Variants in CNTN5 observed in about 807,000 individuals in gnomAD.
The protein encoded by CNTN5 is contactin-5.
CNTN5 carries 77 observed loss-of-function variants against 129.1 expected under a neutral mutation model. The observed-to-expected ratio is 0.60, with a 90% CI of 0.50 to 0.72. CNTN5 has a LOEUF of 0.72. Among genes scored for constraint, CNTN5 ranks in the 30% least tolerant of loss-of-function variants. CNTN5 has a pLI of 0.00. For missense variants in CNTN5, 1,478 were observed against 1,328.8 expected (o/e 1.11, Z -1.75); for synonymous variants, 509 against 465.6 (o/e 1.09, Z -1.20).
chr11:99,644,539 A>G (rs955145460), intron 3 of CNTN5, among the ~76,000 whole-genome samples: 1 of 152,210 alleles, frequency 6.6e-6, no homozygotes, highest in Non-Finnish European at 1.5e-5. Context: ...TCTGACGTTT[A>G]AAATTTTTTC....
intron 1 of CNTN5, among the ~76,000 whole-genome samples, chr11:99,042,533 A>AC (rs1864038104): frequency 6.7e-6 from 1 of 150,046 alleles, no homozygotes; most frequent in South Asian, 2.1e-4. Context: ...CCGCCACCAC[A>AC]CCCGGCTAAT....
At chr11:100,031,352 T>G (rs992805541) in intron 9 of CNTN5, among the ~76,000 whole-genome samples, 1 of 152,122 alleles carries the variant, frequency 6.6e-6, no homozygotes, top group Admixed American at 6.6e-5. Flanking sequence ...GCAGAGAGCC[T>G]ATGAGTGGAC....
At chr11:100,217,695 T>G (rs1157269707) in intron 15 of CNTN5, among the ~76,000 whole-genome samples, 1 of 152,206 alleles carries the variant, frequency 6.6e-6, no homozygotes, top group Non-Finnish European at 1.5e-5. Flanking sequence ...AGCAAAAATG[T>G]GTATTGTCTG....
chr11:99,149,877 T>C (rs1859963838), intron 1 of CNTN5, among the ~76,000 whole-genome samples: 1 of 152,064 alleles, frequency 6.6e-6, no homozygotes, highest in Admixed American at 6.6e-5. Context: ...CAGAATAAAT[T>C]AAGATAATTT....
chr11:100,199,759 A>G (rs1037157832), intron 15 of CNTN5, among the ~76,000 whole-genome samples: 7 of 151,970 alleles, frequency 4.6e-5, no homozygotes, highest in Non-Finnish European at 1.0e-4. Flanking sequence ...AATATGATCA[A>G]TATATGCCAT....
At chr11:100,076,044 C>T (rs1247961786) in intron 13 of CNTN5, among the ~76,000 whole-genome samples, 1 of 151,976 alleles carries the variant, frequency 6.6e-6, no homozygotes, top group African/African-American at 2.4e-5. Flanking sequence ...TCATTGTTGC[C>T]TATGACAGAA....
intron 2 of CNTN5, among the ~76,000 whole-genome samples, chr11:99,485,775 C>A (rs142092595): frequency 3.5e-4 from 53 of 152,048 alleles, no homozygotes; most frequent in African/African-American, 1.3e-3. Flanking sequence ...TCTTTACAAC[C>A]ATGAAATTTC....
intron 3 of CNTN5, among the ~76,000 whole-genome samples, chr11:99,656,416 A>AC (rs1952365777): frequency 6.6e-6 from 1 of 152,122 alleles, no homozygotes. Context: ...CTGTCCAAAA[A>AC]CTTAAGTTCA....
At chr11:99,364,145 A>G (rs1477154226) in intron 2 of CNTN5, among the ~76,000 whole-genome samples, 2 of 152,030 alleles carry the variant, frequency 1.3e-5, no homozygotes, top group Admixed American at 1.3e-4. Context: ...ATAAAGAGAA[A>G]AAGGTTTTTT....
chr11:99,631,174 A>G (rs681361), intron 3 of CNTN5, among the ~76,000 whole-genome samples: 92,637 of 151,932 alleles, frequency 0.61, 29,116 homozygotes, highest in Admixed American at 0.73. Context: ...CTTTATGTAT[A>G]TGGAGTATAA....
At chr11:100,267,072 A>T (rs1196456934) in intron 17 of CNTN5, among the ~76,000 whole-genome samples, 1 of 152,088 alleles carries the variant, frequency 6.6e-6, no homozygotes, top group Non-Finnish European at 1.5e-5. Flanking sequence ...GGGGAAAATA[A>T]ATTAAATGGA....
intron 13 of CNTN5, among the ~76,000 whole-genome samples, chr11:100,157,985 T>C (rs1812544): frequency 0.1 from 15,480 of 151,670 alleles, 800 homozygotes; most frequent in African/African-American, 0.11. Flanking sequence ...AATATCTTAA[T>C]GACCTTGGAG....
At chr11:99,357,260 C>T (rs1419131320) in intron 2 of CNTN5, among the ~76,000 whole-genome samples, 1 of 152,074 alleles carries the variant, frequency 6.6e-6, no homozygotes, top group Non-Finnish European at 1.5e-5. Context: ...TTAAAATTCT[C>T]AGACTTCAAT....
At chr11:99,441,134 A>T (rs1407128290) in intron 2 of CNTN5, among the ~76,000 whole-genome samples, 3 of 152,120 alleles carry the variant, frequency 2.0e-5, no homozygotes, top group Non-Finnish European at 4.4e-5. Context: ...TTTGTATTTG[A>T]TATTTTAAGG....
chr11:99,369,115 C>T (rs1476810583), intron 2 of CNTN5, among the ~76,000 whole-genome samples: 1 of 107,126 alleles, frequency 9.3e-6, no homozygotes, highest in African/African-American at 3.2e-5. Flanking sequence ...ATTCCAAGTC[C>T]TCCACAAAGA....
chr11:100,096,974 G>A (rs1260401335), intron 13 of CNTN5, among the ~76,000 whole-genome samples: 1 of 152,136 alleles, frequency 6.6e-6, no homozygotes, highest in East Asian at 1.9e-4. Context: ...GAGAAACCCA[G>A]TGTTCCACAA....
At chr11:100,326,754 A>T (rs745321139) in intron 21 of CNTN5, among the ~76,000 whole-genome samples, 1 of 152,196 alleles carries the variant, frequency 6.6e-6, no homozygotes. Context: ...AAATGATGTG[A>T]GAGAGAGTGA....
At chr11:99,113,481 G>A (rs1857897310) in intron 1 of CNTN5, among the ~76,000 whole-genome samples, 1 of 152,010 alleles carries the variant, frequency 6.6e-6, no homozygotes, top group Non-Finnish European at 1.5e-5. Context: ...TGACTAACTT[G>A]GTTACTACTG....
At chr11:100,023,438 G>T (rs143272356) in intron 9 of CNTN5, among the ~76,000 whole-genome samples, 1 of 152,038 alleles carries the variant, frequency 6.6e-6, no homozygotes, top group African/African-American at 2.4e-5. Flanking sequence ...CACATTCTCA[G>T]TCTCCTCTGT....
Sources: gnomAD v4.1 joint callset for allele counts (sites outside exome capture counted in the v4.1 genomes callset) on GRCh38, gnomAD v4.1.1 for gene constraint, MANE v1.5 for transcripts, NCBI Gene and HGNC (gene_info 2026-07-23, HGNC 2026-07-21) for gene names.